The following PIK3AP1 variants were observed in gnomAD, a reference collection of about 807,000 sequenced individuals.
PIK3AP1 encodes the protein phosphoinositide 3-kinase adapter protein 1.
Under a neutral mutation model 88.1 loss-of-function variants are expected in PIK3AP1, and 21 were observed. The ratio of observed to expected loss-of-function variants is 0.24; its 90% CI spans 0.17 to 0.34. PIK3AP1 has a LOEUF of 0.34. Ranked by LOEUF, PIK3AP1 falls within the 10% of genes least tolerant of loss-of-function variation. The probability of loss-of-function intolerance (pLI) is 1.00; values close to 1 mark genes in which losing one functional copy is unlikely to be tolerated. For missense variants in PIK3AP1, 828 were observed against 1,035.7 expected, an observed-to-expected ratio of 0.80 and a Z score of 2.75; for synonymous variants, 398 against 400.0, an observed-to-expected ratio of 1.00 and a Z score of 0.06.
At chr10:96,595,723 C>T (rs1848742995) in intron 16 of PIK3AP1, 89 bp from the exon 17 acceptor site, 1 of 1,288,786 alleles carries the variant, frequency 7.8e-7, no homozygotes, top group Non-Finnish European at 1.1e-6. Flanking sequence ...ACTTGGTATA[C>T]TATGCAAAGG....
chr10:96,645,688 C>T (rs776209038), intron 7 of PIK3AP1, 26 bp from the exon 8 acceptor site: 46 of 1,556,270 alleles, frequency 3.0e-5, no homozygotes, highest in South Asian at 2.6e-4. Flanking sequence ...AGGCCCACGG[C>T]GCCCTGAGGC....
chr10:96,639,663 T>C (rs1392554636), intron 8 of PIK3AP1, among the ~76,000 whole-genome samples: 1 of 152,196 alleles, frequency 6.6e-6, no homozygotes, highest in African/African-American at 2.4e-5. Flanking sequence ...GTGGGTTCTG[T>C]CCTTGCAGGT....
chr10:96,646,352 A>G (rs955870614), intron 7 of PIK3AP1, among the ~76,000 whole-genome samples: 4 of 152,028 alleles, frequency 2.6e-5, no homozygotes, highest in Non-Finnish European at 5.9e-5. Flanking sequence ...AATCCATTCC[A>G]CTACTGCTTG....
chr10:96,660,642 A>G (rs1843673772), intron 2 of PIK3AP1, among the ~76,000 whole-genome samples: 1 of 152,228 alleles, frequency 6.6e-6, no homozygotes, highest in South Asian at 2.1e-4. Context: ...CAATCCAGCA[A>G]TCATGCTCCT....
At chr10:96,708,920 C>T (rs756602360) in intron 2 of PIK3AP1, among the ~76,000 whole-genome samples, 39 of 152,048 alleles carry the variant, frequency 2.6e-4, no homozygotes, top group Non-Finnish European at 3.7e-4. Flanking sequence ...CATTTGATAT[C>T]AGGAGTTCAA....
At chr10:96,617,911 G>T (rs1280116909) in intron 12 of PIK3AP1, among the ~76,000 whole-genome samples, 7 of 152,188 alleles carry the variant, frequency 4.6e-5, no homozygotes, top group African/African-American at 1.7e-4. Context: ...TGGAACTGGA[G>T]ACACAGACTG....
At chr10:96,616,850 C>T (rs1161551122) in intron 12 of PIK3AP1, 139 bp from the exon 13 acceptor site, 11 of 778,380 alleles carry the variant, frequency 1.4e-5, no homozygotes, top group East Asian at 2.6e-5. Context: ...TGAGGCTCAG[C>T]GCATTCACAG....
rs763058862 is a variant in PIK3AP1, at chr10:96,709,874, C to G, written c.123G>C (p.Lys41Asn). 17 of 1,613,734 alleles carry G rather than the reference C, an allele frequency of 1.1e-5. No individual in the cohort carries two copies. In the East Asian group the frequency reaches 3.6e-4, roughly 34 times the overall value. The change falls in exon 2 of 17, where the codon AAG becomes AAC. Residue 41 changes from lysine to asparagine, a missense_variant. Coordinates refer to ENST00000339364, the MANE Select transcript of PIK3AP1 (RefSeq NM_152309.3). ...CGGGGCCCAGCCTGTGAGTCAGTAT[C>G]TTCTGGCTGCGGACCTGCCGACTGG... ...FLSSRQVRSQ[K>N]ILTHRLGPEA...
chr10:96,628,351 G>A (rs1451398365), intron 9 of PIK3AP1, 47 bp downstream of exon 9: 3 of 1,449,040 alleles, frequency 2.1e-6, no homozygotes, highest in Non-Finnish European at 1.9e-6. Flanking sequence ...TCTTGCATTT[G>A]TTTCTCTTTT....
Position 96,652,584 on chromosome 10 carries a change from A to G in PIK3AP1, c.712+114T>C, listed in dbSNP as rs1044273110. 3 of 1,374,028 alleles carry G rather than the reference A, an allele frequency of 2.2e-6. No homozygotes were observed. The African/African-American group carries it at 4.4e-5, about 20-fold the overall frequency. The allele number at this position is 1,374,028 out of a possible 1,614,324, so 85.1% of individuals were successfully genotyped here. ...CGAGACTCTGTCTCAAAAAAAAAAA[A>G]TCAAAGTAGCAAACATATTTAAGAT... is the stretch of plus-strand genomic sequence containing the variant. On this transcript the variant is annotated intron_variant, in intron 4 of 16. Coordinates refer to ENST00000339364, the MANE Select transcript of PIK3AP1 (RefSeq NM_152309.3).
chr10:96,653,929 C>T (rs1269824543), intron 3 of PIK3AP1, among the ~76,000 whole-genome samples: 1 of 152,222 alleles, frequency 6.6e-6, no homozygotes, highest in Non-Finnish European at 1.5e-5. Context: ...CTGGACCAGT[C>T]CTGCTACTCA....
intron 12 of PIK3AP1, among the ~76,000 whole-genome samples, chr10:96,618,410 C>T (rs538884513): frequency 6.6e-6 from 1 of 152,202 alleles, no homozygotes; most frequent in South Asian, 2.1e-4. Flanking sequence ...AATTATGTTC[C>T]CACTGGAAAC....
At chr10:96,714,225 G>C (rs1427192162) in intron 1 of PIK3AP1, among the ~76,000 whole-genome samples, 3 of 151,556 alleles carry the variant, frequency 2.0e-5, no homozygotes, top group Non-Finnish European at 4.4e-5. Flanking sequence ...TCGTGATTCA[G>C]CTCTGTTTCC....
At chr10:96,672,113 C>T (rs78255031) in intron 2 of PIK3AP1, among the ~76,000 whole-genome samples, 4,117 of 152,226 alleles carry the variant, frequency 0.027, 80 homozygotes, top group Middle Eastern at 0.068. Flanking sequence ...GTTGTAGAAA[C>T]GAAGAAGGAG....
chr10:96,705,183 C>T (rs1844345766), intron 2 of PIK3AP1, among the ~76,000 whole-genome samples: 1 of 152,150 alleles, frequency 6.6e-6, no homozygotes, highest in East Asian at 1.9e-4. Flanking sequence ...TGAGTAGGAA[C>T]ATGACCAGTA....
At position 96,651,485 on chromosome 10, in the gene PIK3AP1, C is replaced by T. The variant is rs1210274731; in HGVS notation, c.855+24G>A. The T allele has an allele frequency of 5.6e-6, 9 of 1,613,992 alleles. No individual in the cohort carries two copies. In the Admixed American group the frequency reaches 8.3e-5, roughly 15 times the overall value. ...GCAGAAATTACATGCCCAGAAATCT[C>T]AGGTTTCCTTGTAATATCCTTACCT... On this transcript the variant is annotated intron_variant, in intron 5 of 16. Coordinates refer to ENST00000339364, the MANE Select transcript of PIK3AP1 (RefSeq NM_152309.3).
At position 96,667,053 on chromosome 10, in the gene PIK3AP1, G is replaced by A. The variant is rs534814412; in HGVS notation, c.431-10119C>T. Among the ~76,000 whole-genome samples the A allele has an allele frequency of 5.9e-5, 9 of 152,364 alleles. No individual in the cohort carries two copies. The South Asian group carries it at 1.7e-3, about 28-fold the overall frequency. Reference sequence around the variant, plus strand: ...GTTCCGAGCAATGCTGCCCTGGTTAGGTATGCTGTGACCTGCCACCATGGC... The same window carrying A: ...GTTCCGAGCAATGCTGCCCTGGTTAAGTATGCTGTGACCTGCCACCATGGC... On this transcript the variant is annotated intron_variant, in intron 2 of 16. Transcript: ENST00000339364.
At chr10:96,663,268 GA>G (rs1235299752) in intron 2 of PIK3AP1, among the ~76,000 whole-genome samples, 2 of 151,884 alleles carry the variant, frequency 1.3e-5, no homozygotes, top group Admixed American at 6.6e-5. Flanking sequence ...GTGAATATAC[GA>G]AAAAAACATT....
chr10:96,628,776 AC>A (rs1843187267), intron 8 of PIK3AP1, among the ~76,000 whole-genome samples: 1 of 151,568 alleles, frequency 6.6e-6, no homozygotes, highest in Non-Finnish European at 1.5e-5. Context: ...TTGACATACT[AC>A]ATCATCCCAT....
Sources: gnomAD v4.1 joint callset for allele counts (sites outside exome capture counted in the v4.1 genomes callset) on GRCh38, gnomAD v4.1.1 for gene constraint, MANE v1.5 for transcripts, NCBI Gene and HGNC (gene_info 2026-07-23, HGNC 2026-07-21) for gene names.